BCL2: variants seen among roughly 807,000 people sequenced by gnomAD.
BCL2 encodes apoptosis regulator Bcl-2.
BCL2 carries 1 observed loss-of-function variant against 14.2 expected under a neutral mutation model. That is an observed-to-expected ratio of 0.07 (90% CI 0.02 to 0.33). The LOEUF (loss-of-function observed/expected upper bound fraction) is 0.33. Ranked by LOEUF, BCL2 falls within the 10% of genes least tolerant of loss-of-function variation. BCL2 has a pLI of 0.99. For missense variants in BCL2, 247 were observed against 305.9 expected (o/e 0.81, Z 1.44); for synonymous variants, 151 against 137.2 (o/e 1.10, Z -0.70).
chr18:63,189,066 T>C (rs1915657856), intron 2 of BCL2, among the ~76,000 whole-genome samples: 1 of 148,584 alleles, frequency 6.7e-6, no homozygotes, highest in African/African-American at 2.5e-5. Flanking sequence ...TACACATAGG[T>C]AGAAAAAACT....
chr18:63,312,002 C>G (rs1349248098), intron 2 of BCL2, among the ~76,000 whole-genome samples: 1 of 152,346 alleles, frequency 6.6e-6, no homozygotes, highest in Admixed American at 6.5e-5. Context: ...ATTTTGCCAG[C>G]AGATACTATC....
chr18:63,319,139 T>C, intron 1 of BCL2, 35 bp downstream of exon 1: 6 of 882,162 alleles, frequency 6.8e-6, no homozygotes, highest in Non-Finnish European at 8.4e-6. Context: ...CCATTGAAAG[T>C]TACATTAAAC....
At chr18:63,248,818 C>T (rs557064788) in intron 2 of BCL2, among the ~76,000 whole-genome samples, 91 of 152,334 alleles carry the variant, frequency 6.0e-4, no homozygotes, top group Non-Finnish European at 1.2e-3. Context: ...CATTTCCGCC[C>T]TCCACAGGAT....
chr18:63,168,530 C>T (rs748820844), intron 2 of BCL2, among the ~76,000 whole-genome samples: 19 of 152,190 alleles, frequency 1.2e-4, no homozygotes, highest in African/African-American at 3.1e-4. Flanking sequence ...AGTTCTAACA[C>T]GGACTGATGA....
chr18:63,310,353 C>T (rs551390047), intron 2 of BCL2, among the ~76,000 whole-genome samples: 21 of 152,330 alleles, frequency 1.4e-4, no homozygotes, highest in Non-Finnish European at 2.9e-4. Flanking sequence ...ACACACCTCC[C>T]GCATTCATGC....
chr18:63,180,632 G>A (rs1023295564), intron 2 of BCL2, among the ~76,000 whole-genome samples: 9 of 152,170 alleles, frequency 5.9e-5, no homozygotes, highest in African/African-American at 2.2e-4. Flanking sequence ...CCCTTGGTGA[G>A]AACTCTGCCT....
In BCL2 at chr18:63,314,011, CAGAAA is replaced by C. The variant is rs770231321; in HGVS notation, c.585+4066_585+4070del. Reference sequence around the variant, plus strand: ...CAATGGACGTTAAATAGCAACAAAACAGAAAAGAGAATTCAGTTAACTATAAAATT... The same window carrying C: ...CAATGGACGTTAAATAGCAACAAAACAGAGAATTCAGTTAACTATAAAATT... On this transcript the variant is annotated intron_variant, in intron 2 of 2. Coordinates refer to ENST00000333681, the MANE Select transcript of BCL2 (RefSeq NM_000633.3). The C allele has an allele frequency of 1.7e-4, 26 of 152,186 alleles. 1 individual carries two copies. The highest frequency in any genetic ancestry group is 3.3e-4 in the Admixed American group (5 of 15,284). The allele number at this position is 152,186 out of a possible 1,614,324, so 9.4% of individuals were successfully genotyped here.
At chr18:63,313,054 G>A (rs922773589) in intron 2 of BCL2, among the ~76,000 whole-genome samples, 1 of 152,116 alleles carries the variant, frequency 6.6e-6, no homozygotes, top group African/African-American at 2.4e-5. Flanking sequence ...CAGAAATAAC[G>A]TTCTTAGACC....
At chr18:63,194,005 TA>T (rs1196040465) in intron 2 of BCL2, among the ~76,000 whole-genome samples, 4 of 152,246 alleles carry the variant, frequency 2.6e-5, no homozygotes, top group Non-Finnish European at 5.9e-5. Context: ...TAGTCACTGA[TA>T]TTCAATACAT....
intron 2 of BCL2, among the ~76,000 whole-genome samples, chr18:63,297,746 G>A (rs998411482): frequency 6.6e-6 from 1 of 152,158 alleles, no homozygotes; most frequent in Admixed American, 6.5e-5. Context: ...GTCTTGGCTC[G>A]CAGACTGCCA....
chr18:63,235,221 G>A (rs1440678883), intron 2 of BCL2, among the ~76,000 whole-genome samples: 1 of 152,240 alleles, frequency 6.6e-6, no homozygotes, highest in African/African-American at 2.4e-5. Context: ...CCCTGCTGCT[G>A]AGAAGGGGCT....
chr18:63,268,610 C>T (rs951941786), intron 2 of BCL2, among the ~76,000 whole-genome samples: 6 of 152,212 alleles, frequency 3.9e-5, no homozygotes, highest in African/African-American at 1.4e-4. Context: ...CAAGGGTTTA[C>T]ATTGGTTTCA....
chr18:63,147,647 C>T lies in BCL2; in HGVS notation c.586-18888G>A, dbSNP rs1599208196. ...AACTATTTCTGCTTAAGAATCTACC[C>T]AAGAGATACTCCGACAGCTCAAATG... is the stretch of plus-strand genomic sequence containing the variant. On this transcript the variant is annotated intron_variant, in intron 2 of 2. Transcript: ENST00000333681. 2.6e-5 allele frequency among the ~76,000 whole-genome samples: 4 copies of T among 152,202 alleles called. No individual in the cohort carries two copies. The South Asian group carries it at 8.3e-4, about 32-fold the overall frequency.
In BCL2 at chr18:63,141,652, C is replaced by T. The variant is rs530532921; in HGVS notation, c.586-12893G>A. ...AGGACTCTCCACTGCCTGACAGGGG[C>T]TGGGGATTCCACAGGCAGACTGGCG... On this transcript the variant is annotated intron_variant, in intron 2 of 2. Transcript: ENST00000333681. Among the ~76,000 whole-genome samples, 11 of 152,336 alleles carry T rather than the reference C, an allele frequency of 7.2e-5. No individual in the cohort carries two copies. In the South Asian group the frequency reaches 2.3e-3, roughly 32 times the overall value.
At chr18:63,210,120 CAG>C (rs1286217564) in intron 2 of BCL2, among the ~76,000 whole-genome samples, 2 of 152,184 alleles carry the variant, frequency 1.3e-5, no homozygotes, top group Non-Finnish European at 2.9e-5. Flanking sequence ...GGAGGAGACA[CAG>C]TGCAGACCAA....
At chr18:63,211,781 C>T (rs1021890425) in intron 2 of BCL2, among the ~76,000 whole-genome samples, 8 of 152,356 alleles carry the variant, frequency 5.3e-5, no homozygotes, top group South Asian at 2.1e-4. Context: ...CCACAGCTAA[C>T]GCCAGTGCAG....
intron 2 of BCL2, among the ~76,000 whole-genome samples, chr18:63,195,103 C>T (rs1015757781): frequency 1.3e-5 from 2 of 152,108 alleles, no homozygotes; most frequent in Admixed American, 6.5e-5. Flanking sequence ...CCAGAGTGAC[C>T]CCAGAACACC....
At chr18:63,185,754 A>T (rs916502229) in intron 2 of BCL2, among the ~76,000 whole-genome samples, 5 of 152,202 alleles carry the variant, frequency 3.3e-5, no homozygotes, top group African/African-American at 1.2e-4. Context: ...CCACTTACTA[A>T]GGAGGAAACT....
intron 2 of BCL2, among the ~76,000 whole-genome samples, chr18:63,265,951 C>T (rs1446617507): frequency 6.6e-6 from 1 of 152,148 alleles, no homozygotes; most frequent in Non-Finnish European, 1.5e-5. Context: ...AAGGGGCAAT[C>T]TCATAAACTA....
Sources: allele counts gnomAD v4.1 joint callset (sites outside exome capture counted in the v4.1 genomes callset), GRCh38; gene constraint gnomAD v4.1.1; transcripts MANE v1.5; gene names NCBI Gene and HGNC (gene_info 2026-07-23, HGNC 2026-07-21).